ASIC2: variants seen among roughly 807,000 people sequenced by gnomAD.
The protein encoded by ASIC2 is acid sensing ion channel subunit 2.
In ASIC2, 25 loss-of-function variants were observed where a neutral mutation model predicts 57.3. That is an observed-to-expected ratio of 0.44 (90% confidence interval 0.32 to 0.61). The LOEUF is 0.61. Ranked by LOEUF, ASIC2 falls within the 20% of genes least tolerant of loss-of-function variation. ASIC2 has a pLI of 0.06. For missense variants in ASIC2, 641 were observed against 738.1 expected (o/e 0.87, Z 1.52); for synonymous variants, 319 against 307.5 (o/e 1.04, Z -0.39).
chr17:34,039,132 CCGTCTCAAA>C, intron 1 of ASIC2: 1 of 1,614,026 alleles, frequency 6.2e-7, no homozygotes, highest in South Asian at 1.1e-5. Flanking sequence ...CATCAATCTG[CCGTCTCAAA>C]TCACAGATGG....
At chr17:33,356,052 G>A (rs540606710) in intron 1 of ASIC2, among the ~76,000 whole-genome samples, 1 of 152,158 alleles carries the variant, frequency 6.6e-6, no homozygotes, top group South Asian at 2.1e-4. Flanking sequence ...ACCCAGAGTA[G>A]GGGATAAGCG....
At chr17:33,908,435 A>G (rs1486097027) in intron 1 of ASIC2, among the ~76,000 whole-genome samples, 1 of 152,200 alleles carries the variant, frequency 6.6e-6, no homozygotes, top group African/African-American at 2.4e-5. Flanking sequence ...ATCAGCAAAC[A>G]TGGAGAAAAG....
chr17:33,902,604 G>A (rs1281221570), intron 1 of ASIC2, among the ~76,000 whole-genome samples: 1 of 152,194 alleles, frequency 6.6e-6, no homozygotes, highest in African/African-American at 2.4e-5. Context: ...TGCCGGCCGG[G>A]CTGGGGCAGG....
intron 1 of ASIC2, among the ~76,000 whole-genome samples, chr17:33,471,388 G>C (rs1208872673): frequency 1.3e-5 from 2 of 152,138 alleles, no homozygotes; most frequent in Non-Finnish European, 2.9e-5. Flanking sequence ...TATATTGTGG[G>C]ATTTCATTAA....
At chr17:33,186,114 A>AT (rs1039947436) in intron 1 of ASIC2, among the ~76,000 whole-genome samples, 24 of 150,082 alleles carry the variant, frequency 1.6e-4, no homozygotes, top group South Asian at 6.3e-4. Context: ...GTTCTACACC[A>AT]TTTTTTTTTT....
At chr17:34,073,759 T>C (rs966899645) in intron 1 of ASIC2, among the ~76,000 whole-genome samples, 2 of 152,178 alleles carry the variant, frequency 1.3e-5, no homozygotes, top group African/African-American at 4.8e-5. Flanking sequence ...TCAAAACTTA[T>C]CCAGTCAGAA....
intron 1 of ASIC2, among the ~76,000 whole-genome samples, chr17:33,776,669 C>A (rs1911290621): frequency 6.6e-6 from 1 of 152,080 alleles, no homozygotes; most frequent in Non-Finnish European, 1.5e-5. Context: ...ACACAAAGGC[C>A]GGGGGGTCCA....
At chr17:33,454,588 A>T (rs1294218395) in intron 1 of ASIC2, among the ~76,000 whole-genome samples, 1 of 152,194 alleles carries the variant, frequency 6.6e-6, no homozygotes, top group Non-Finnish European at 1.5e-5. Context: ...GAGAGGCTTT[A>T]TTCTGTTATT....
intron 1 of ASIC2, among the ~76,000 whole-genome samples, chr17:33,967,172 C>A (rs1359358018): frequency 6.6e-6 from 1 of 151,958 alleles, no homozygotes; most frequent in East Asian, 1.9e-4. Flanking sequence ...CAGGCAGTAC[C>A]CTCTCTTCAG....
chr17:34,012,086 C>A (rs1906787803), intron 1 of ASIC2, among the ~76,000 whole-genome samples: 1 of 152,180 alleles, frequency 6.6e-6, no homozygotes. Context: ...GCAACACCAT[C>A]CCTGCCTGAC....
At chr17:33,586,180 T>G (rs1477159063) in intron 1 of ASIC2, among the ~76,000 whole-genome samples, 1 of 152,206 alleles carries the variant, frequency 6.6e-6, no homozygotes, top group African/African-American at 2.4e-5. Flanking sequence ...TGTCTCAGGA[T>G]CTTATTGAAT....
intron 1 of ASIC2, among the ~76,000 whole-genome samples, chr17:33,418,707 T>C (rs1414766258): frequency 6.6e-6 from 1 of 152,138 alleles, no homozygotes; most frequent in Non-Finnish European, 1.5e-5. Context: ...GAGGCCTCTG[T>C]TCTGTTCCAT....
At chr17:33,494,852 C>T (rs890198908) in intron 1 of ASIC2, among the ~76,000 whole-genome samples, 6 of 152,284 alleles carry the variant, frequency 3.9e-5, no homozygotes, top group African/African-American at 9.6e-5. Context: ...AAAGTGATGA[C>T]GCCCTGTGTC....
chr17:33,558,099 T>G (rs763515339), intron 1 of ASIC2, among the ~76,000 whole-genome samples: 1 of 152,054 alleles, frequency 6.6e-6, no homozygotes, highest in African/African-American at 2.4e-5. Context: ...CTTGCGTATG[T>G]GTAGGGTCCA....
chr17:33,701,751 T>TCTG (rs1233700886), intron 1 of ASIC2, among the ~76,000 whole-genome samples: 1 of 152,232 alleles, frequency 6.6e-6, no homozygotes, highest in Non-Finnish European at 1.5e-5. Flanking sequence ...ATGAGGTATT[T>TCTG]GCAAGTCACT....
At chr17:33,379,278 T>C (rs1202790470) in intron 1 of ASIC2, among the ~76,000 whole-genome samples, 1 of 152,176 alleles carries the variant, frequency 6.6e-6, no homozygotes, top group African/African-American at 2.4e-5. Context: ...GTTTTTCTCA[T>C]CTGTAAAAGG....
At chr17:33,118,665 C>G (rs1451485617) in intron 1 of ASIC2, among the ~76,000 whole-genome samples, 4 of 152,144 alleles carry the variant, frequency 2.6e-5, no homozygotes, top group African/African-American at 9.7e-5. Flanking sequence ...CTCCAAACTT[C>G]TTATTTTGCA....
chr17:33,854,381 C>A (rs560383719), intron 1 of ASIC2, among the ~76,000 whole-genome samples: 1 of 152,352 alleles, frequency 6.6e-6, no homozygotes, highest in South Asian at 2.1e-4. Context: ...TGATTTCTTT[C>A]TGTACCCACA....
chr17:33,054,561 G>T (rs966434716), intron 3 of ASIC2, among the ~76,000 whole-genome samples: 7 of 152,218 alleles, frequency 4.6e-5, no homozygotes, highest in South Asian at 4.1e-4. Flanking sequence ...TTCTTCAGAA[G>T]ACTGTCCTTG....
Sources: allele counts gnomAD v4.1 joint callset (sites outside exome capture counted in the v4.1 genomes callset), GRCh38; gene constraint gnomAD v4.1.1; transcripts MANE v1.5; gene names NCBI Gene and HGNC (gene_info 2026-07-23, HGNC 2026-07-21).